ZBTB20: variants seen among roughly 807,000 people sequenced by gnomAD.
The protein encoded by ZBTB20 is zinc finger and BTB domain containing 20.
Under a neutral mutation model 56.9 loss-of-function variants are expected in ZBTB20, and 9 were observed. The observed-to-expected ratio is 0.16, with a 90% CI of 0.10 to 0.28. ZBTB20 has a LOEUF of 0.28. Ranked by LOEUF, ZBTB20 falls within the 10% of genes least tolerant of loss-of-function variation. ZBTB20 has a pLI of 1.00. For synonymous variants in ZBTB20, 417 were observed against 420.7 expected (o/e 0.99, Z 0.11); for missense variants, 655 against 1,003.0 (o/e 0.65, Z 4.69).
chr3:114,475,335 A>T (rs994181054), intron 7 of ZBTB20, among the ~76,000 whole-genome samples: 1 of 152,116 alleles, frequency 6.6e-6, no homozygotes, highest in African/African-American at 2.4e-5. Context: ...TACTACTTTT[A>T]TAGAGCATTT....
chr3:114,691,615 A>C (rs2062702520), intron 6 of ZBTB20, among the ~76,000 whole-genome samples: 2 of 152,000 alleles, frequency 1.3e-5, no homozygotes. Context: ...GGAATATTAT[A>C]TATTTATTTT....
intron 1 of ZBTB20, among the ~76,000 whole-genome samples, chr3:115,133,807 T>C (rs2084578121): frequency 6.6e-6 from 1 of 152,244 alleles, no homozygotes; most frequent in Non-Finnish European, 1.5e-5. Flanking sequence ...GCTTCCACTT[T>C]TTGGCTACTA....
intron 7 of ZBTB20, among the ~76,000 whole-genome samples, chr3:114,427,635 C>T (rs1380410845): frequency 1.3e-5 from 2 of 152,180 alleles, no homozygotes; most frequent in Admixed American, 1.3e-4. Flanking sequence ...ACTTGCCCAC[C>T]CCCAAGTACT....
chr3:114,859,162 C>CA (rs1302502259), intron 4 of ZBTB20, among the ~76,000 whole-genome samples: 2 of 152,180 alleles, frequency 1.3e-5, no homozygotes, highest in African/African-American at 4.8e-5. Context: ...CTTCCTCTCC[C>CA]TTCTGCTGCC....
At chr3:114,413,945 G>C (rs1057485568) in intron 7 of ZBTB20, among the ~76,000 whole-genome samples, 10 of 152,148 alleles carry the variant, frequency 6.6e-5, no homozygotes, top group African/African-American at 2.4e-4. Context: ...AACAGCTTAA[G>C]ATGACTAATT....
At chr3:114,385,530 C>T (rs1266834246) in intron 8 of ZBTB20, among the ~76,000 whole-genome samples, 1 of 152,208 alleles carries the variant, frequency 6.6e-6, no homozygotes, top group African/African-American at 2.4e-5. Flanking sequence ...TAGTTCCTCT[C>T]ATAGGGATTG....
chr3:114,835,116 G>T (rs951225159), intron 4 of ZBTB20, among the ~76,000 whole-genome samples: 4 of 152,140 alleles, frequency 2.6e-5, no homozygotes, highest in Admixed American at 6.6e-5. Flanking sequence ...CTAATAGGGG[G>T]TCTCTGAAGT....
At chr3:114,502,797 C>T (rs561984899) in intron 6 of ZBTB20, 1 of 141,966 alleles carries the variant, frequency 7.0e-6, no homozygotes, top group South Asian at 2.6e-4. Context: ...TCCTTTCTTA[C>T]ATTCCTCTCT....
intron 6 of ZBTB20, among the ~76,000 whole-genome samples, chr3:114,631,549 C>T (rs1159539152): frequency 6.6e-6 from 1 of 151,498 alleles, no homozygotes; most frequent in Non-Finnish European, 1.5e-5. Context: ...TGTGCCACCA[C>T]ACCCAGCTAA....
At chr3:114,392,837 TTC>T (rs1200376530) in intron 7 of ZBTB20, among the ~76,000 whole-genome samples, 3 of 152,206 alleles carry the variant, frequency 2.0e-5, no homozygotes, top group African/African-American at 7.2e-5. Flanking sequence ...CAGAATCATT[TTC>T]TCTCACCCAA....
chr3:115,113,693 A>C (rs1431713763), intron 1 of ZBTB20, among the ~76,000 whole-genome samples: 1 of 152,258 alleles, frequency 6.6e-6, no homozygotes, highest in East Asian at 1.9e-4. Flanking sequence ...TGAAGTGTCC[A>C]TAGGAGTGCG....
At chr3:115,057,451 CCATTT>C (rs1241953221) in intron 2 of ZBTB20, among the ~76,000 whole-genome samples, 2 of 151,986 alleles carry the variant, frequency 1.3e-5, no homozygotes, top group Non-Finnish European at 2.9e-5. Context: ...TAATATCAAA[CCATTT>C]CAACAACACA....
intron 11 of ZBTB20, among the ~76,000 whole-genome samples, chr3:114,342,784 T>TA (rs2079884084): frequency 6.6e-6 from 1 of 152,206 alleles, no homozygotes. Context: ...CCTGAATTTT[T>TA]AAAAAATTAT....
At chr3:114,415,364 T>C (rs78064221) in intron 7 of ZBTB20, among the ~76,000 whole-genome samples, 69 of 152,256 alleles carry the variant, frequency 4.5e-4, no homozygotes, top group African/African-American at 1.5e-3. Context: ...CATCTTCGAC[T>C]GATGACCAGC....
At chr3:114,663,940 G>C (rs1357365941) in intron 6 of ZBTB20, among the ~76,000 whole-genome samples, 1 of 151,434 alleles carries the variant, frequency 6.6e-6, no homozygotes, top group East Asian at 1.9e-4. Context: ...ATTAATAATG[G>C]GAGACTTTAA....
In ZBTB20 at chr3:114,548,517, CT is replaced by C. The variant is rs71146327; in HGVS notation, c.-294-48127del. On this transcript the variant is annotated intron_variant, in intron 6 of 11. Transcript: ENST00000675478. ...TTTCTTTTGTTTTTCTTTTTATTTTCTTTTTTTTTTTTTCTTTTTGAGACAG... is the reference window on the plus strand; with the variant it reads ...TTTCTTTTGTTTTTCTTTTTATTTTCTTTTTTTTTTTTCTTTTTGAGACAG... 9.9e-4 allele frequency among the ~76,000 whole-genome samples: 144 copies of C among 144,936 alleles called. 1 individual carries two copies. The highest frequency in any genetic ancestry group is 3.6e-3 in the Middle Eastern group (1 of 280).
At chr3:114,988,821 T>C (rs938574655) in intron 2 of ZBTB20, among the ~76,000 whole-genome samples, 5 of 152,166 alleles carry the variant, frequency 3.3e-5, no homozygotes, top group African/African-American at 4.8e-5. Context: ...TGTCTCATTG[T>C]GGTTTTGATT....
At chr3:114,805,604 C>G (rs918998132) in intron 4 of ZBTB20, among the ~76,000 whole-genome samples, 1 of 151,334 alleles carries the variant, frequency 6.6e-6, no homozygotes, top group African/African-American at 2.4e-5. Flanking sequence ...ATAAACATAA[C>G]AGTTTATTGA....
intron 1 of ZBTB20, among the ~76,000 whole-genome samples, chr3:115,136,668 A>C (rs1340930253): frequency 6.6e-6 from 1 of 152,068 alleles, no homozygotes; most frequent in Admixed American, 6.6e-5. Context: ...TGACAGAAAC[A>C]ACCATTTATT....
Sources: gnomAD v4.1 joint callset for allele counts (sites outside exome capture counted in the v4.1 genomes callset) on GRCh38, gnomAD v4.1.1 for gene constraint, MANE v1.5 for transcripts, NCBI Gene and HGNC (gene_info 2026-07-23, HGNC 2026-07-21) for gene names.